HIVEP2: variants seen among roughly 807,000 people sequenced by gnomAD.
HIVEP2 encodes HIVEP zinc finger 2.
Under a neutral mutation model 180.7 loss-of-function variants are expected in HIVEP2, and 14 were observed. The observed-to-expected ratio is 0.08, with a 90% CI of 0.05 to 0.12. The LOEUF (loss-of-function observed/expected upper bound fraction) is 0.12. Ranked by LOEUF, HIVEP2 falls within the 10% of genes least tolerant of loss-of-function variation. The probability of loss-of-function intolerance (pLI) is 1.00; values close to 1 mark genes in which losing one functional copy is unlikely to be tolerated. For synonymous variants in HIVEP2, 1,184 were observed against 1,136.4 expected (o/e 1.04, Z -0.84); for missense variants, 2,579 against 3,008.5 (o/e 0.86, Z 3.34).
intron 2 of HIVEP2, among the ~76,000 whole-genome samples, chr6:142,826,284 T>C (rs983699797): frequency 7.9e-5 from 12 of 152,208 alleles, no homozygotes; most frequent in African/African-American, 2.7e-4. Flanking sequence ...TGTCCTTTAA[T>C]AAAGGATAAA....
At chr6:142,789,658 G>GGTCT (rs971209283) in intron 2 of HIVEP2, among the ~76,000 whole-genome samples, 38 of 152,106 alleles carry the variant, frequency 2.5e-4, no homozygotes, top group African/African-American at 8.2e-4. Context: ...CTACAGCTTA[G>GGTCT]GTCTTTAAAC....
At chr6:142,944,026 G>A (rs1778241272) in intron 1 of HIVEP2, among the ~76,000 whole-genome samples, 1 of 152,160 alleles carries the variant, frequency 6.6e-6, no homozygotes, top group African/African-American at 2.4e-5. Flanking sequence ...GGTGTAGCTA[G>A]TTACAAGCTT....
In HIVEP2 at chr6:142,943,840, G is replaced by A. The variant is rs984089043; in HGVS notation, c.-641+1259C>T. On this transcript the variant is annotated intron_variant, in intron 1 of 9. Transcript: ENST00000367603. The surrounding 1 kb of genome is among the most constrained non-coding windows in gnomAD (Gnocchi z 4.5). ...CTGTGTGAATGCTAAGCCATTACAG[G>A]TGTCCTAAGGCCTCCAGTGAAACCT... Among the ~76,000 whole-genome samples the A allele has an allele frequency of 2.0e-5, 3 of 152,130 alleles. No individual in the cohort carries two copies. Among genetic ancestry groups the A allele is most frequent in the Non-Finnish European group, 4.4e-5 (3 of 68,004 alleles).
chr6:142,877,592 T>G (rs998503115), intron 1 of HIVEP2, among the ~76,000 whole-genome samples: 1 of 150,782 alleles, frequency 6.6e-6, no homozygotes, highest in Middle Eastern at 3.4e-3. Flanking sequence ...TTGTGCATCA[T>G]TCTACACCTT....
intron 6 of HIVEP2, among the ~76,000 whole-genome samples, chr6:142,766,094 C>G (rs778106623): frequency 2.2e-4 from 34 of 152,106 alleles, no homozygotes; most frequent in Non-Finnish European, 4.1e-4. Context: ...TCATTTTATC[C>G]TAGCTAATCC....
chr6:142,787,705 A>C (rs1466481375), intron 2 of HIVEP2, among the ~76,000 whole-genome samples: 1 of 152,198 alleles, frequency 6.6e-6, no homozygotes, highest in African/African-American at 2.4e-5. Context: ...ACACACATAC[A>C]TTGACAGGAT....
At chr6:142,841,132 C>A (rs546212076) in intron 1 of HIVEP2, among the ~76,000 whole-genome samples, 32 of 152,008 alleles carry the variant, frequency 2.1e-4, no homozygotes, top group African/African-American at 5.1e-4. Context: ...ATTTTTTATA[C>A]ATTTTTTCCT....
At chr6:142,769,500 C>T in intron 5 of HIVEP2, 52 bp downstream of exon 5, 1 of 1,488,146 alleles carries the variant, frequency 6.7e-7, no homozygotes, top group Non-Finnish European at 9.3e-7. Flanking sequence ...ATGTAGTCTG[C>T]TCAGCAATCA....
chr6:142,894,945 T>C (rs967603734), intron 1 of HIVEP2, among the ~76,000 whole-genome samples: 1 of 152,182 alleles, frequency 6.6e-6, no homozygotes, highest in Non-Finnish European at 1.5e-5. Context: ...ATCTTGGAAA[T>C]TGAAAGTCGC....
At chr6:142,851,398 T>A (rs1775668588) in intron 1 of HIVEP2, among the ~76,000 whole-genome samples, 1 of 152,202 alleles carries the variant, frequency 6.6e-6, no homozygotes, top group South Asian at 2.1e-4. Context: ...AAGAGGAATG[T>A]TAAAAGTTTG....
At chr6:142,936,776 A>C (rs1262998621) in intron 1 of HIVEP2, among the ~76,000 whole-genome samples, 1 of 152,168 alleles carries the variant, frequency 6.6e-6, no homozygotes, top group Non-Finnish European at 1.5e-5. Flanking sequence ...ATTAGCCATA[A>C]AAAGTTTCTA....
At chr6:142,914,425 T>G (rs992178142) in intron 1 of HIVEP2, among the ~76,000 whole-genome samples, 14 of 152,258 alleles carry the variant, frequency 9.2e-5, no homozygotes, top group African/African-American at 2.6e-4. Flanking sequence ...ATTAGTTAAT[T>G]TAGGTCAAGT....
chr6:142,867,395 A>G (rs1289742210), intron 1 of HIVEP2, among the ~76,000 whole-genome samples: 3 of 152,136 alleles, frequency 2.0e-5, no homozygotes, highest in Non-Finnish European at 4.4e-5. Flanking sequence ...ATGGCATCTA[A>G]TCTACTATAC....
rs570034888 is a variant in HIVEP2, at chr6:142,912,713, C to T, written c.-641+32386G>A. 7.9e-5 allele frequency among the ~76,000 whole-genome samples: 12 copies of T among 152,362 alleles called. No homozygotes were observed. In the South Asian group the frequency reaches 2.3e-3, roughly 29 times the overall value. ...CCGCGCATGCGAGGGATCTAGGTTG[C>T]ATGCTCCTTATGACAATCTAATGTC... On this transcript the variant is annotated intron_variant, in intron 1 of 9. Coordinates refer to ENST00000367603, the MANE Select transcript of HIVEP2 (RefSeq NM_006734.4).
chr6:142,774,551 AGTTGTG>A lies in HIVEP2; in HGVS notation c.182_187del (p.Ala61_Leu63delinsVal). ...GGAGGCCAGTTTCCCAGAACCAAAC[AGTTGTG>A]CTGATGCTGTGTTTCCGATTTGCTC... On this transcript the variant is annotated inframe_deletion, in exon 5 of 10. Coordinates refer to ENST00000367603, the MANE Select transcript of HIVEP2 (RefSeq NM_006734.4). This position sits in a 1 kb window ranked among gnomAD's most constrained non-coding sequence, Gnocchi z 5.1. 1 of 1,614,134 alleles carries A rather than the reference AGTTGTG, an allele frequency of 6.2e-7. No homozygotes were observed. The highest frequency in any genetic ancestry group is 8.5e-7 in the Non-Finnish European group (1 of 1,180,018).
intron 1 of HIVEP2, among the ~76,000 whole-genome samples, chr6:142,890,848 C>T (rs1776841109): frequency 6.6e-6 from 1 of 152,098 alleles, no homozygotes; most frequent in South Asian, 2.1e-4. Flanking sequence ...TCTGTCTTGA[C>T]AATCTGTATA....
chr6:142,925,126 T>C (rs1461136732), intron 1 of HIVEP2, among the ~76,000 whole-genome samples: 1 of 152,216 alleles, frequency 6.6e-6, no homozygotes, highest in Non-Finnish European at 1.5e-5. Flanking sequence ...ACATGCACTT[T>C]AGAAGTTCTC....
intron 6 of HIVEP2, among the ~76,000 whole-genome samples, chr6:142,766,364 T>C: frequency 6.6e-6 from 1 of 152,222 alleles, no homozygotes; most frequent in East Asian, 1.9e-4. Flanking sequence ...TTCCACTTGT[T>C]CTTCAAAATT....
rs576208823 is a variant in HIVEP2 at position 142,796,268 on chromosome 6, G to C, written c.-527-12653C>G. Among the ~76,000 whole-genome samples the C allele has an allele frequency of 2.1e-4, 32 of 152,082 alleles. 1 individual carries two copies. Among genetic ancestry groups the C allele is most frequent in the African/African-American group, 7.2e-4 (30 of 41,520 alleles). Reference sequence around the variant, plus strand: ...TGACTAAAGTTGACTCTTGAATGCCGCAGGGGTTAGGATGTTGATCTTACC... The same window carrying C: ...TGACTAAAGTTGACTCTTGAATGCCCCAGGGGTTAGGATGTTGATCTTACC... On this transcript the variant is annotated intron_variant, in intron 2 of 9. Coordinates refer to ENST00000367603, the MANE Select transcript of HIVEP2 (RefSeq NM_006734.4).
Sources: gnomAD v4.1 joint callset for allele counts (sites outside exome capture counted in the v4.1 genomes callset) on GRCh38, gnomAD v4.1.1 for gene constraint, Gnocchi (gnomAD v3.1) non-coding constraint, MANE v1.5 for transcripts, NCBI Gene and HGNC (gene_info 2026-07-23, HGNC 2026-07-21) for gene names.